SAMD13: variants seen among roughly 807,000 people sequenced by gnomAD.
SAMD13 encodes sterile alpha motif domain-containing protein 13.
Under a neutral mutation model 12.4 loss-of-function variants are expected in SAMD13, and 9 were observed. The observed-to-expected ratio is 0.72, with a 90% CI of 0.44 to 1.26. The LOEUF (loss-of-function observed/expected upper bound fraction) is 1.26, where lower values mean the gene tolerates loss of function less well. Ranked by LOEUF, SAMD13 falls within the 50% of genes most tolerant of loss-of-function variation. SAMD13 has a pLI of 0.00. For missense variants in SAMD13, 84 were observed against 119.6 expected (o/e 0.70, Z 1.39); for synonymous variants, 46 against 45.4 (o/e 1.01, Z -0.05).
At chr1:84,303,765 G>A (rs1294489754) in intron 2 of SAMD13, 1 of 153,824 alleles carries the variant, frequency 6.5e-6, no homozygotes, top group Non-Finnish European at 1.4e-5. Flanking sequence ...ACTGTTTAAT[G>A]AATGTGAAAC....
chr1:84,306,690 G>A (rs1213323382), intron 2 of SAMD13, among the ~76,000 whole-genome samples: 1 of 150,022 alleles, frequency 6.7e-6, no homozygotes, highest in Admixed American at 6.6e-5. Flanking sequence ...AATTAGCCAG[G>A]TGTGGTGTTA....
At chr1:84,327,660 G>T (rs1679087141) in intron 3 of SAMD13, among the ~76,000 whole-genome samples, 3 of 148,626 alleles carry the variant, frequency 2.0e-5, no homozygotes, top group Admixed American at 2.0e-4. Context: ...AAAAACAGAA[G>T]TGTTTAGGGT....
upstream of SAMD13, chr1:84,301,456 G>T (rs967429485): frequency 1.0e-5 from 2 of 199,814 alleles, no homozygotes; most frequent in African/African-American, 2.4e-5. Flanking sequence ...AGAAGCTATT[G>T]AGACAGCTTG....
intron 3 of SAMD13, among the ~76,000 whole-genome samples, chr1:84,332,895 T>A (rs989149045): frequency 6.6e-6 from 1 of 152,188 alleles, no homozygotes; most frequent in Non-Finnish European, 1.5e-5. Flanking sequence ...TATCTTGAAT[T>A]GATTTTTATA....
At chr1:84,342,433 A>G (rs1342389478) in intron 3 of SAMD13, among the ~76,000 whole-genome samples, 1 of 152,234 alleles carries the variant, frequency 6.6e-6, no homozygotes, top group African/African-American at 2.4e-5. Flanking sequence ...AGTTGGAGGC[A>G]TCATGCTACC....
At chr1:84,313,880 T>C (rs1179788843) in intron 2 of SAMD13, among the ~76,000 whole-genome samples, 1 of 152,208 alleles carries the variant, frequency 6.6e-6, no homozygotes, top group Non-Finnish European at 1.5e-5. Context: ...GATGCTTTTT[T>C]TTCTTGGTAA....
intron 2 of SAMD13, among the ~76,000 whole-genome samples, chr1:84,308,555 G>A (rs933030490): frequency 6.6e-6 from 1 of 152,014 alleles, no homozygotes; most frequent in Non-Finnish European, 1.5e-5. Context: ...GTTGCTTCTG[G>A]GCATCAGAAA....
chr1:84,345,095 C>G (rs548302377), intron 3 of SAMD13: 1 of 456,676 alleles, frequency 2.2e-6, no homozygotes, highest in Admixed American at 2.3e-5. Context: ...GAGCAAGTAC[C>G]TCTACCTCTG....
At chr1:84,325,858 A>T in intron 3 of SAMD13, 110 bp downstream of exon 3, 1 of 680,788 alleles carries the variant, frequency 1.5e-6, no homozygotes, top group Admixed American at 2.2e-5. Flanking sequence ...AAGAGCAGGG[A>T]GGAATCAGTG....
At chr1:84,302,935 T>C (rs1678483783) in intron 1 of SAMD13, 1 of 312,434 alleles carries the variant, frequency 3.2e-6, no homozygotes, top group Admixed American at 4.1e-5. Flanking sequence ...CACACAGCAC[T>C]TGTTTTCAAC....
chr1:84,299,662 T>TATAA, upstream of SAMD13: 1 of 912,158 alleles, frequency 1.1e-6, no homozygotes, highest in Non-Finnish European at 1.4e-6. Flanking sequence ...CTAGTGTATA[T>TATAA]ATATATATAT....
chr1:84,317,487 T>TA (rs2101798571), intron 2 of SAMD13, among the ~76,000 whole-genome samples: 1 of 152,206 alleles, frequency 6.6e-6, no homozygotes, highest in Non-Finnish European at 1.5e-5. Context: ...CTTCATTCTG[T>TA]AAATGTGATA....
At chr1:84,336,210 A>G (rs545594909) in intron 3 of SAMD13, among the ~76,000 whole-genome samples, 3 of 152,270 alleles carry the variant, frequency 2.0e-5, no homozygotes, top group South Asian at 4.1e-4. Flanking sequence ...GTCTCTTTAC[A>G]TAATCCCATA....
At chr1:84,343,131 AT>A (rs1679464826) in intron 3 of SAMD13, among the ~76,000 whole-genome samples, 1 of 152,246 alleles carries the variant, frequency 6.6e-6, no homozygotes, top group Admixed American at 6.5e-5. Flanking sequence ...TATTAGGTAA[AT>A]GCAAATCAAA....
At position 84,334,158 on chromosome 1, in the gene SAMD13, A is replaced by C. The variant is rs550939571; in HGVS notation, c.165+8410A>C. Among the ~76,000 whole-genome samples the C allele has an allele frequency of 8.5e-5, 13 of 152,222 alleles. 1 individual carries two copies. The South Asian group carries it at 1.7e-3, about 19-fold the overall frequency. ...AGCTCTTCTTTATAAATCTGGTAGA[A>C]TTCAGCTGTAAATCCATCTGGTCCT... On this transcript the variant is annotated intron_variant, in intron 3 of 3. Coordinates refer to ENST00000394834, the MANE Select transcript of SAMD13 (RefSeq NM_001134663.2).
At chr1:84,309,980 G>A (rs1003271222) in intron 2 of SAMD13, among the ~76,000 whole-genome samples, 14 of 151,950 alleles carry the variant, frequency 9.2e-5, no homozygotes, top group African/African-American at 3.1e-4. Context: ...AGAAGGGTTT[G>A]GTATTTTTTC....
chr1:84,320,527 G>C (rs958675593), intron 2 of SAMD13, among the ~76,000 whole-genome samples: 2 of 152,174 alleles, frequency 1.3e-5, no homozygotes, highest in African/African-American at 4.8e-5. Context: ...AGGGAGAAAG[G>C]AACGGAAATA....
intron 3 of SAMD13, among the ~76,000 whole-genome samples, chr1:84,343,245 C>A (rs1679466575): frequency 6.6e-6 from 1 of 152,190 alleles, no homozygotes; most frequent in Non-Finnish European, 1.5e-5. Flanking sequence ...AATGCTTTTA[C>A]ACTGTTGGTG....
Position 84,349,875 on chromosome 1 carries a change from T to C in SAMD13, c.*101T>C, listed in dbSNP as rs1679611913. ...AACAGAATACATACATGTGTATATGTAAAGAATTTCAATCAAATGAAACGT... is the reference window on the plus strand; with the variant it reads ...AACAGAATACATACATGTGTATATGCAAAGAATTTCAATCAAATGAAACGT... On this transcript the variant is annotated 3_prime_UTR_variant, in exon 4 of 4. Transcript: ENST00000394834. The C allele has an allele frequency of 6.8e-7, 1 of 1,469,754 alleles. No homozygotes were observed. The highest frequency in any genetic ancestry group is 2.4e-5 in the Admixed American group (1 of 42,148). The allele number at this position is 1,469,754 out of a possible 1,614,324, so 91.0% of individuals were successfully genotyped here.
Sources: allele counts gnomAD v4.1 joint callset (sites outside exome capture counted in the v4.1 genomes callset), GRCh38; gene constraint gnomAD v4.1.1; transcripts MANE v1.5; gene names NCBI Gene and HGNC (gene_info 2026-07-23, HGNC 2026-07-21).